SIGLEC14: variants seen among roughly 807,000 people sequenced by gnomAD.
The protein encoded by SIGLEC14 is sialic acid-binding Ig-like lectin 14.
Under a neutral mutation model 34.2 loss-of-function variants are expected in SIGLEC14, and 11 were observed. That is an observed-to-expected ratio of 0.32 (90% CI 0.20 to 0.53). The LOEUF (loss-of-function observed/expected upper bound fraction) is 0.53, where lower values mean the gene tolerates loss of function less well. Among genes scored for constraint, SIGLEC14 ranks in the 20% least tolerant of loss-of-function variants. The probability of loss-of-function intolerance (pLI) is 0.95; values close to 1 mark genes in which losing one functional copy is unlikely to be tolerated. For missense variants in SIGLEC14, 264 were observed against 439.0 expected, an observed-to-expected ratio of 0.60 and a Z score of 3.56; for synonymous variants, 99 against 179.7, an observed-to-expected ratio of 0.55 and a Z score of 3.59.
chr19:51,643,479 G>GGGGGGGGGGGGGGGCCCCCC, intron 6 of SIGLEC14, 58 bp downstream of exon 6: 1 of 1,296,394 alleles, frequency 7.7e-7, no homozygotes, highest in Non-Finnish European at 1.0e-6. Context: ...CCTGGGGCAG[G>GGGGGGGGGGGGGGGCCCCCC]ACAGCTCAGC....
intron 5 of SIGLEC14, 43 bp from the exon 6 acceptor site, chr19:51,643,715 T>A: frequency 6.6e-7 from 1 of 1,521,890 alleles, no homozygotes; most frequent in Non-Finnish European, 8.8e-7. Flanking sequence ...CAGGCCTCAG[T>A]CCCTCCCACC....
rs1983896570 is a variant in SIGLEC14, at chr19:51,641,150, A to G, written c.*2205T>C. ...TTCAACATTCCTCTCTCAGTAATAG[A>G]CTGAGCTGGTAGACAAAAAAGTTAC... On this transcript the variant is annotated 3_prime_UTR_variant, in exon 7 of 7. Coordinates refer to ENST00000360844, the MANE Select transcript of SIGLEC14 (RefSeq NM_001098612.3). Among the ~76,000 whole-genome samples, 1 of 138,548 alleles carries G rather than the reference A, an allele frequency of 7.2e-6. No homozygotes were observed. Among genetic ancestry groups the G allele is most frequent in the Non-Finnish European group, 1.5e-5 (1 of 64,838 alleles). The allele number at this position is 138,548 out of a possible 152,430, so 90.9% of individuals were successfully genotyped here. A position where few individuals can be genotyped will look rare whatever the true frequency, so the allele number is the denominator to read the frequency against.
At chr19:51,643,500 A>T in intron 6 of SIGLEC14, 37 bp downstream of exon 6, 1 of 1,440,640 alleles carries the variant, frequency 6.9e-7, no homozygotes, top group Non-Finnish European at 9.1e-7. Context: ...CCCACCTGGA[A>T]CTCAGGAGCT....
chr19:51,644,180 G>A (rs1983978628), intron 4 of SIGLEC14, 144 bp from the exon 5 acceptor site: 1 of 1,007,678 alleles, frequency 9.9e-7, no homozygotes, highest in Middle Eastern at 2.9e-4. Context: ...ATGAGGACTT[G>A]GTGATCAGGT....
chr19:51,645,416 T>C, intron 4 of SIGLEC14, 61 bp downstream of exon 4: 1 of 1,427,516 alleles, frequency 7.0e-7, no homozygotes, highest in Middle Eastern at 1.7e-4. Flanking sequence ...CTCCCAATGC[T>C]GAACCCTGAG....
Position 51,643,978 on chromosome 19 carries a change from G to C in SIGLEC14, c.813C>G (p.Phe271Leu). 1 of 1,532,496 alleles carries C rather than the reference G, an allele frequency of 6.5e-7. No homozygotes were observed. The highest frequency in any genetic ancestry group is 8.8e-7 in the Non-Finnish European group (1 of 1,140,946). The allele number at this position is 1,532,496 out of a possible 1,614,324, so 94.9% of individuals were successfully genotyped here. A position where few individuals can be genotyped will look rare whatever the true frequency, so the allele number is the denominator to read the frequency against. Residue 271 changes from phenylalanine to leucine, a missense_variant, in exon 5 of 7, where the codon TTC becomes TTG. This residue lies in a region of SIGLEC14 where 149 missense variants were observed against 184.4 expected (regional missense o/e 0.81). Coordinates refer to ENST00000360844, the MANE Select transcript of SIGLEC14 (RefSeq NM_001098612.3). The stretch of plus-strand genomic sequence containing the variant: ...GGTTGCTGTCAACTGTGCAGGCGAG[G>C]AACAGGGACTGGCCCTCCTGGATGG... ...SVPIQEGQSL[F>L]LACTVDSNPP...
intron 4 of SIGLEC14, among the ~76,000 whole-genome samples, chr19:51,644,783 A>T (rs1025966956): frequency 2.2e-5 from 3 of 138,274 alleles, no homozygotes; most frequent in African/African-American, 5.5e-5. Flanking sequence ...GGAGGTGGCT[A>T]AATGTGCAGA....
rs1230222798 is a variant in SIGLEC14, at chr19:51,644,580, T to C, written c.755-544A>G. 1.5e-5 allele frequency among the ~76,000 whole-genome samples: 2 copies of C among 136,762 alleles called. 1 individual carries two copies. The highest frequency in any genetic ancestry group is 3.1e-5 in the Non-Finnish European group (2 of 64,318). 89.7% of individuals were successfully genotyped at this position (136,762 alleles called of 152,430 possible). A position where few individuals can be genotyped will look rare whatever the true frequency, so the allele number is the denominator to read the frequency against. ...GGAGGCTGGGAGGAGGCTGGGGCAA[T>C]GGGCCAGGGTTGAGCACGAGACTTG... On this transcript the variant is annotated intron_variant, in intron 4 of 6. Coordinates refer to ENST00000360844, the MANE Select transcript of SIGLEC14 (RefSeq NM_001098612.3).
At position 51,644,542 on chromosome 19, in the gene SIGLEC14, G is replaced by A. The variant is rs1203043237; in HGVS notation, c.755-506C>T. 1.5e-5 allele frequency among the ~76,000 whole-genome samples: 2 copies of A among 137,682 alleles called. 1 individual carries two copies. The highest frequency in any genetic ancestry group is 3.1e-5 in the Non-Finnish European group (2 of 64,556). The allele number at this position is 137,682 out of a possible 152,430, so 90.3% of individuals were successfully genotyped here. On this transcript the variant is annotated intron_variant, in intron 4 of 6. Coordinates refer to ENST00000360844, the MANE Select transcript of SIGLEC14 (RefSeq NM_001098612.3). ...GTAGGTCCCGGACTGGAGAGAAGTG[G>A]GATAGGAGGCAGGGAGGCTGGGAGG...
rs1983894161 is a variant in SIGLEC14 at position 51,641,010 on chromosome 19, A to G, written c.*2345T>C. Among the ~76,000 whole-genome samples the G allele has an allele frequency of 7.2e-6, 1 of 139,070 alleles. No homozygotes were observed. Among genetic ancestry groups the G allele is most frequent in the South Asian group, 2.4e-4 (1 of 4,112 alleles). The allele number at this position is 139,070 out of a possible 152,430, so 91.2% of individuals were successfully genotyped here. ...TTTTTTTTAAGTTGATTCTTTAAGA[A>G]GACATGAGAATTCTTAATATGTATG... On this transcript the variant is annotated 3_prime_UTR_variant, in exon 7 of 7. Transcript: ENST00000360844.
intron 6 of SIGLEC14, 58 bp from the exon 7 acceptor site, chr19:51,643,455 T>TGG: frequency 7.7e-7 from 1 of 1,294,464 alleles, no homozygotes; most frequent in Non-Finnish European, 1.0e-6. Context: ...TAATTCCAGG[T>TGG]GGGGCTGAGC....
chr19:51,643,434 C>T (rs1474096055), intron 6 of SIGLEC14, 37 bp from the exon 7 acceptor site: 1 of 1,447,820 alleles, frequency 6.9e-7, no homozygotes, highest in Non-Finnish European at 9.1e-7. Context: ...CAGCACCAGC[C>T]ACTTCAGTTC....
chr19:51,640,422 C>T lies in SIGLEC14; in HGVS notation c.*2933G>A, dbSNP rs1983883358. ...TGGACTGAGAAACAAGGGATGAAGC[C>T]CAGGGCAACTAGGAACACTGAAACA... On this transcript the variant is annotated 3_prime_UTR_variant, in exon 7 of 7. Coordinates refer to ENST00000360844, the MANE Select transcript of SIGLEC14 (RefSeq NM_001098612.3). Among the ~76,000 whole-genome samples the T allele has an allele frequency of 7.2e-6, 1 of 138,368 alleles. No individual in the cohort carries two copies. The highest frequency in any genetic ancestry group is 2.8e-5 in the African/African-American group (1 of 36,348). The allele number at this position is 138,368 out of a possible 152,430, so 90.8% of individuals were successfully genotyped here.
intron 4 of SIGLEC14, 106 bp from the exon 5 acceptor site, chr19:51,644,142 T>A (rs1265497731): frequency 2.4e-6 from 3 of 1,245,870 alleles, no homozygotes; most frequent in Non-Finnish European, 3.2e-6. Context: ...TGGTGAGTGC[T>A]GAGAATGGGC....
In SIGLEC14 at chr19:51,645,465, G is replaced by T; in HGVS notation, c.754+12C>A. The T allele has an allele frequency of 6.6e-7, 1 of 1,525,784 alleles. No individual in the cohort carries two copies. Among genetic ancestry groups the T allele is most frequent in the South Asian group, 1.2e-5 (1 of 83,046 alleles). 94.5% of individuals were successfully genotyped at this position (1,525,784 alleles called of 1,614,324 possible). The stretch of plus-strand genomic sequence containing the variant: ...CCCATCACAGCCCCAGAGGGAAGAG[G>T]GTCTTTCCTACCTGTGCCTGTGCCA... On this transcript the variant is annotated intron_variant, in intron 4 of 6. Coordinates refer to ENST00000360844, the MANE Select transcript of SIGLEC14 (RefSeq NM_001098612.3).
In SIGLEC14 at chr19:51,640,650, C is replaced by G. The variant is rs193138629; in HGVS notation, c.*2705G>C. Among the ~76,000 whole-genome samples the G allele has an allele frequency of 1.5e-3, 206 of 139,718 alleles. 39 individuals are homozygous for G. Among genetic ancestry groups the G allele is most frequent in the Non-Finnish European group, 2.1e-3 (139 of 65,076 alleles). The allele number at this position is 139,718 out of a possible 152,430, so 91.7% of individuals were successfully genotyped here. On this transcript the variant is annotated 3_prime_UTR_variant, in exon 7 of 7. Transcript: ENST00000360844. The stretch of plus-strand genomic sequence containing the variant: ...GTACACTTAAGAGCAAAGAAAATCA[C>G]AGGAACAAAAAGTGATGTTACATAA...
chr19:51,645,049 A>C (rs12971378), intron 4 of SIGLEC14, among the ~76,000 whole-genome samples: 42,607 of 136,332 alleles, frequency 0.31, 10,971 homozygotes, highest in Non-Finnish European at 0.34. Flanking sequence ...ACTCACAGAG[A>C]CAGAAAAGTA....
Position 51,644,033 on chromosome 19 carries a change from A to C in SIGLEC14, c.758T>G (p.Leu253Arg). 1 of 1,504,008 alleles carries C rather than the reference A, an allele frequency of 6.6e-7. No individual in the cohort carries two copies. The highest frequency in any genetic ancestry group is 8.9e-7 in the Non-Finnish European group (1 of 1,125,220). 93.2% of individuals were successfully genotyped at this position (1,504,008 alleles called of 1,614,324 possible). ...CGACATGCCATTGCTCAGGATCCGC[A>C]GGGCTGGGAAAGAGAAGCACAGCCA... Reference protein sequence around the residue: ...IFFRNGTGTALRILSNGMSVP... With the variant: ...IFFRNGTGTARRILSNGMSVP... Residue 253 changes from leucine (L) to arginine (R), a missense_variant, in exon 5 of 7, where the codon CTG (leucine) becomes CGG (arginine). Leu to Arg is a moderately radical substitution (Grantham distance 102). Coordinates refer to ENST00000360844, the MANE Select transcript of SIGLEC14 (RefSeq NM_001098612.3).
Position 51,640,424 on chromosome 19 carries a change from A to T in SIGLEC14, c.*2931T>A, listed in dbSNP as rs1286371526. Among the ~76,000 whole-genome samples, 2 of 139,052 alleles carry T rather than the reference A, an allele frequency of 1.4e-5. No homozygotes were observed. The highest frequency in any genetic ancestry group is 3.1e-5 in the Non-Finnish European group (2 of 64,954). 91.2% of individuals were successfully genotyped at this position (139,052 alleles called of 152,430 possible). On this transcript the variant is annotated 3_prime_UTR_variant, in exon 7 of 7. Transcript: ENST00000360844. ...GACTGAGAAACAAGGGATGAAGCCC[A>T]GGGCAACTAGGAACACTGAAACAAC...
Sources: gnomAD v4.1 joint callset for allele counts (sites outside exome capture counted in the v4.1 genomes callset) on GRCh38, gnomAD v4.1.1 for gene constraint, gnomAD v4.1.1 regional missense constraint, MANE v1.5 for transcripts, NCBI Gene and HGNC (gene_info 2026-07-23, HGNC 2026-07-21) for gene names.